Variants in FAAH2 observed in about 807,000 individuals in gnomAD.
The protein encoded by FAAH2 is fatty acid amide hydrolase 2.
FAAH2 carries 60 observed loss-of-function variants against 36.9 expected under a neutral mutation model. That is an observed-to-expected ratio of 1.63 (90% CI 1.32 to 2.02). The LOEUF (loss-of-function observed/expected upper bound fraction) is 2.02. FAAH2 is among the 30% of genes most tolerant of loss of function. FAAH2 has a pLI of 0.00. For synonymous variants in FAAH2, 214 were observed against 143.8 expected (o/e 1.49, Z -3.49); for missense variants, 689 against 397.5 (o/e 1.73, Z -6.23).
chrX:57,385,197 T>G (rs1602488654), intron 7 of FAAH2, among the ~76,000 whole-genome samples: 1 of 106,972 alleles, frequency 9.3e-6, no homozygotes, highest in East Asian at 3.0e-4. Flanking sequence ...AGTTAATGGG[T>G]GCAGCACACC....
chrX:57,175,272 T>C, the FAAH2 span, among the ~76,000 whole-genome samples: 7 of 111,847 alleles, frequency 6.3e-5, no homozygotes, highest in Admixed American at 9.5e-5. Flanking sequence ...GGTGCATATA[T>C]AATTAGGATT....
At chrX:57,199,028 C>T in the FAAH2 span, among the ~76,000 whole-genome samples, 3 of 109,761 alleles carry the variant, frequency 2.7e-5, no homozygotes, top group Admixed American at 2.9e-4. Context: ...TGGTATGTTC[C>T]TGTGGTAGTT....
intron 3 of FAAH2, among the ~76,000 whole-genome samples, chrX:57,331,215 A>G (rs1246210445): frequency 9.0e-6 from 1 of 111,621 alleles, no homozygotes; most frequent in African/African-American, 3.3e-5. Context: ...TCTCCCTGCT[A>G]ATCCAAGTGT....
At chrX:57,300,144 G>A (rs1182126927) in intron 2 of FAAH2, among the ~76,000 whole-genome samples, 2 of 111,254 alleles carry the variant, frequency 1.8e-5, no homozygotes, top group African/African-American at 3.3e-5. Flanking sequence ...AGCCCGCATT[G>A]CCAAGTCAAT....
chrX:57,156,036 T>C, the FAAH2 span, among the ~76,000 whole-genome samples: 1 of 112,166 alleles, frequency 8.9e-6, no homozygotes, highest in Non-Finnish European at 1.9e-5. Context: ...AGCTGTCTCC[T>C]GGGTCTTGCA....
chrX:57,383,163 G>A (rs1232396506), intron 7 of FAAH2, among the ~76,000 whole-genome samples: 1 of 111,927 alleles, frequency 8.9e-6, no homozygotes, highest in African/African-American at 3.3e-5. Flanking sequence ...ATTAGGTATT[G>A]ATGGGACGTA....
Position 57,419,861 on chromosome X carries a change from G to T in FAAH2, c.997-12057G>T, listed in dbSNP as rs778382540. 5.3e-3 allele frequency among the ~76,000 whole-genome samples: 591 copies of T among 111,770 alleles called. 3 individuals are homozygous for T. Among genetic ancestry groups the T allele is most frequent in the Non-Finnish European group, 9.0e-3 (476 of 53,056 alleles). ...GTTTTTATGGTTTTAGGTCTAACAT[G>T]TAAGTCTTTAATCCATCTTGAATTG... On this transcript the variant is annotated intron_variant, in intron 7 of 10. Coordinates refer to ENST00000374900, the MANE Select transcript of FAAH2 (RefSeq NM_174912.4).
intron 10 of FAAH2, among the ~76,000 whole-genome samples, chrX:57,483,546 A>G (rs992990723): frequency 4.5e-5 from 5 of 110,808 alleles, no homozygotes; most frequent in African/African-American, 1.6e-4. Flanking sequence ...CATTGCTAGA[A>G]AGCTAGTTTG....
chrX:57,376,804 C>T (rs753744233), intron 5 of FAAH2, among the ~76,000 whole-genome samples: 1 of 112,209 alleles, frequency 8.9e-6, no homozygotes, highest in East Asian at 2.8e-4. Context: ...TCTCCACATT[C>T]TCTCCAGCAT....
At chrX:57,155,025 C>A in the FAAH2 span, among the ~76,000 whole-genome samples, 4 of 111,660 alleles carry the variant, frequency 3.6e-5, no homozygotes, top group South Asian at 1.5e-3. Flanking sequence ...GTGATGTATA[C>A]TATCTTTACT....
At chrX:57,253,956 C>T in the FAAH2 span, among the ~76,000 whole-genome samples, 1 of 110,809 alleles carries the variant, frequency 9.0e-6, no homozygotes, top group Non-Finnish European at 1.9e-5. Flanking sequence ...GCTAAAGGTC[C>T]CAATTAAAAA....
At chrX:57,425,249 G>C (rs1195892471) in intron 7 of FAAH2, among the ~76,000 whole-genome samples, 2 of 111,304 alleles carry the variant, frequency 1.8e-5, no homozygotes, top group Non-Finnish European at 3.8e-5. Context: ...ATGAATCGTA[G>C]GTATTCCCAA....
intron 8 of FAAH2, among the ~76,000 whole-genome samples, chrX:57,437,111 A>G (rs1393081362): frequency 8.9e-6 from 1 of 111,791 alleles, no homozygotes; most frequent in African/African-American, 3.2e-5. Context: ...TATTACATAA[A>G]CAAAAATAAC....
At chrX:57,366,165 G>C (rs771560840) in intron 5 of FAAH2, among the ~76,000 whole-genome samples, 1 of 111,595 alleles carries the variant, frequency 9.0e-6, no homozygotes, top group African/African-American at 3.3e-5. Context: ...TTTTCCATCT[G>C]TGTGGGCTGA....
chrX:57,438,949 G>T (rs1226075780), intron 8 of FAAH2, among the ~76,000 whole-genome samples: 1 of 110,588 alleles, frequency 9.0e-6, no homozygotes, highest in African/African-American at 3.3e-5. Flanking sequence ...TTTTATGGCT[G>T]CATAGTATTC....
the FAAH2 span, among the ~76,000 whole-genome samples, chrX:57,159,417 A>C: frequency 9.0e-6 from 1 of 111,644 alleles, no homozygotes; most frequent in East Asian, 2.8e-4. Flanking sequence ...TTGAATCTAT[A>C]AATTACCTTG....
At chrX:57,242,266 C>A in the FAAH2 span, among the ~76,000 whole-genome samples, 2 of 112,448 alleles carry the variant, frequency 1.8e-5, no homozygotes, top group African/African-American at 6.5e-5. Context: ...AAGGAGCAGG[C>A]AGCAGTCTTT....
At chrX:57,167,913 A>G in the FAAH2 span, among the ~76,000 whole-genome samples, 1 of 111,552 alleles carries the variant, frequency 9.0e-6, no homozygotes, top group Non-Finnish European at 1.9e-5. Flanking sequence ...AGTCATAAAC[A>G]TCAAGGATGT....
At chrX:57,318,281 A>G (rs1270894566) in intron 3 of FAAH2, among the ~76,000 whole-genome samples, 1 of 111,964 alleles carries the variant, frequency 8.9e-6, no homozygotes, top group Non-Finnish European at 1.9e-5. Context: ...AGACTAATAA[A>G]GAAGAAAAGA....
Sources: gnomAD v4.1 joint callset for allele counts (sites outside exome capture counted in the v4.1 genomes callset) on GRCh38, gnomAD v4.1.1 for gene constraint, MANE v1.5 for transcripts, NCBI Gene and HGNC (gene_info 2026-07-23, HGNC 2026-07-21) for gene names.